Variants in PITRM1 observed in about 807,000 individuals in gnomAD.
The protein encoded by PITRM1 is presequence protease, mitochondrial.
A neutral mutation model predicts 129.9 loss-of-function variants in PITRM1; 100 were observed. The ratio of observed to expected loss-of-function variants is 0.77; its 90% CI spans 0.65 to 0.91. The LOEUF (loss-of-function observed/expected upper bound fraction) is 0.91. Among genes scored for constraint, PITRM1 ranks in the 40% least tolerant of loss-of-function variants. PITRM1 has a pLI of 0.00. For missense variants in PITRM1, 1,471 were observed against 1,318.3 expected, an observed-to-expected ratio of 1.12 and a Z score of -1.79; for synonymous variants, 591 against 508.8, an observed-to-expected ratio of 1.16 and a Z score of -2.17.
intron 21 of PITRM1, chr10:3,145,032 C>G (rs1840705537): frequency 6.5e-6 from 1 of 153,250 alleles, no homozygotes; most frequent in Admixed American, 6.5e-5. Context: ...GGCCACCTCC[C>G]AAAGGCTCCA....
chr10:3,140,338 T>C (rs1424503076), intron 24 of PITRM1, among the ~76,000 whole-genome samples: 2 of 152,238 alleles, frequency 1.3e-5, no homozygotes, highest in African/African-American at 2.4e-5. Flanking sequence ...TTAGGAAGTG[T>C]TTATGTCTGG....
In PITRM1 at chr10:3,166,248, C is replaced by T. The variant is rs375556940; in HGVS notation, c.399G>A (p.Thr133=). 2.5e-4 allele frequency: 406 copies of T among 1,612,002 alleles called. No homozygotes were observed. The highest frequency in any genetic ancestry group is 6.0e-4 in the Admixed American group (36 of 59,730). Residue 133 remains threonine, a synonymous_variant, in exon 4 of 27, where the codon ACG becomes ACA. Coordinates refer to ENST00000224949, the MANE Select transcript of PITRM1 (RefSeq NM_014889.4). ...FFKMLNRSLS[T]FMNAFTASDY... is the part of the protein sequence containing the mutation. ...TCTTACCTGTGAAGGCGTTCATGAA[C>T]GTGGAGAGGGACCGGTTCAACATTT...
intron 2 of PITRM1, among the ~76,000 whole-genome samples, chr10:3,167,293 G>A (rs914554654): frequency 2.7e-5 from 4 of 150,242 alleles, no homozygotes; most frequent in Admixed American, 1.3e-4. Context: ...GAGAGCGAGC[G>A]AGCGAGCGAG....
intron 7 of PITRM1, among the ~76,000 whole-genome samples, chr10:3,161,179 C>T (rs767264020): frequency 9.9e-5 from 15 of 152,182 alleles, no homozygotes; most frequent in Non-Finnish European, 2.2e-4. Context: ...AGGCATGAGC[C>T]ACCACACCTA....
rs1359924799 is a variant in PITRM1, at chr10:3,138,972, T to C, written c.2849A>G (p.Gln950Arg). ...AGAAAGTTTGGCTTCGTCGATGTCT[T>C]GCTGTGTGAATTTTCCAGACTTAGC... is the stretch of plus-strand genomic sequence containing the variant. The part of the protein sequence containing the change: ...DWAKSGKFTQ[Q>R]DIDEAKLSVF... The change falls in exon 25 of 27, where the codon CAA (glutamine) becomes CGA (arginine). Residue 950 changes from glutamine (Q) to arginine (R), a missense_variant. Coordinates refer to ENST00000224949, the MANE Select transcript of PITRM1 (RefSeq NM_014889.4). 2 of 1,613,820 alleles carry C rather than the reference T, an allele frequency of 1.2e-6. No homozygotes were observed. The highest frequency in any genetic ancestry group is 3.3e-5 in the Admixed American group (2 of 60,012).
chr10:3,164,023 T>TTAA (rs138096694), intron 6 of PITRM1, 138 bp from the exon 7 acceptor site: 13 of 333,488 alleles, frequency 3.9e-5, no homozygotes, highest in Non-Finnish European at 6.3e-5. Flanking sequence ...TCTAATGGTT[T>TTAA]AAAAAAAAAA....
chr10:3,146,325 A>G (rs1325443147), intron 20 of PITRM1: 1 of 152,808 alleles, frequency 6.5e-6, no homozygotes, highest in African/African-American at 2.4e-5. Context: ...ATTAATACTA[A>G]CTATATCCCA....
chr10:3,171,904 G>A (rs1302063851), intron 1 of PITRM1, among the ~76,000 whole-genome samples: 2 of 151,990 alleles, frequency 1.3e-5, no homozygotes, highest in East Asian at 3.9e-4. Context: ...ATGTCGTATG[G>A]GATTTTCTAC....
At position 3,138,067 on chromosome 10, in the gene PITRM1, C is replaced by A. The variant is rs769168470; in HGVS notation, c.3078G>T (p.Pro1026=). Residue 1026 remains proline (P), a synonymous_variant, in exon 27 of 27, where the codon CCG becomes CCT. Transcript: ENST00000224949. The stretch of plus-strand genomic sequence containing the variant: ...TCCAGGATGGGTCCTTGGCAATTTT[C>A]GGGTTCTCGGGTCCGAGGATGGCCA... ...HGLAILGPEN[P]KIAKDPSWII... 1.2e-6 allele frequency: 2 copies of A among 1,609,524 alleles called. No homozygotes were observed. The highest frequency in any genetic ancestry group is 4.5e-5 in the East Asian group (2 of 44,764).
Position 3,147,574 on chromosome 10 carries a change from G to A in PITRM1, c.2233C>T (p.Gln745Ter). The A allele has an allele frequency of 6.2e-7, 1 of 1,613,902 alleles. No individual in the cohort carries two copies. Among genetic ancestry groups the A allele is most frequent in the Non-Finnish European group, 8.5e-7 (1 of 1,179,814 alleles). The change falls in exon 19 of 27, where the codon CAG becomes TAG. Residue 745 changes from glutamine (Q) to a stop codon, truncating the protein, a stop_gained and splice_region_variant. Coordinates refer to ENST00000224949, the MANE Select transcript of PITRM1 (RefSeq NM_014889.4). LOFTEE classifies it high-confidence loss of function. The stretch of plus-strand genomic sequence containing the variant: ...GAGGTTCCTTCCAAGCTTCCCACCT[G>A]ATCCATCCCGCTGAAGGTCTCCTGC... ...DLQETFSGMD[Q>*]VRLMKRIAEM...
chr10:3,141,459 C>A (rs1353452211), intron 23 of PITRM1: 4 of 231,166 alleles, frequency 1.7e-5, no homozygotes, highest in Non-Finnish European at 3.8e-5. Flanking sequence ...TGTCTCACAT[C>A]AGAATATGGA....
At chr10:3,140,331 G>A (rs1036041112) in intron 24 of PITRM1, among the ~76,000 whole-genome samples, 28 of 152,152 alleles carry the variant, frequency 1.8e-4, no homozygotes, top group African/African-American at 6.0e-4. Context: ...TTAAAACTTA[G>A]GAAGTGTTTA....
intron 15 of PITRM1, among the ~76,000 whole-genome samples, chr10:3,150,077 C>A (rs567550868): frequency 6.6e-5 from 10 of 152,144 alleles, no homozygotes; most frequent in Middle Eastern, 3.4e-3. Context: ...ACCCCTGGGC[C>A]CACATCGCAC....
At position 3,159,810 on chromosome 10, in the gene PITRM1, G is replaced by A. The variant is rs139168967; in HGVS notation, c.1007+38C>T. 5.5e-4 allele frequency: 674 copies of A among 1,235,396 alleles called. 3 individuals are homozygous for A. In the African/African-American group the frequency reaches 7.7e-3, roughly 14 times the overall value. 76.5% of individuals were successfully genotyped at this position (1,235,396 alleles called of 1,614,324 possible). A position where few individuals can be genotyped will look rare whatever the true frequency, so the allele number is the denominator to read the frequency against. On this transcript the variant is annotated intron_variant, in intron 9 of 26. Coordinates refer to ENST00000224949, the MANE Select transcript of PITRM1 (RefSeq NM_014889.4). ...CTTCTAATAGGAACATTTTCCTCAT[G>A]TTTTTGTCTTGTATGAGCTTTGACA...
At chr10:3,166,517 A>G in intron 3 of PITRM1, 137 bp from the exon 4 acceptor site, 1 of 543,448 alleles carries the variant, frequency 1.8e-6, no homozygotes. Flanking sequence ...TTTTCCAACT[A>G]TAATGTAAAT....
Position 3,138,096 on chromosome 10 carries a change from CGT to C in PITRM1, c.3047_3048del (p.His1016ArgfsTer64). The C allele has an allele frequency of 6.2e-7, 1 of 1,610,374 alleles. No homozygotes were observed. Among genetic ancestry groups the C allele is most frequent in the South Asian group, 1.1e-5 (1 of 89,998 alleles). ...DRYLGTGKST[H>X]GLAILGPENP... ...TTCTCGGGTCCGAGGATGGCCAGGC[CGT>C]GTGTGCTCTTCCCAGTGCCGAGGTA... On this transcript the variant is annotated frameshift_variant, in exon 27 of 27. Coordinates refer to ENST00000224949, the MANE Select transcript of PITRM1 (RefSeq NM_014889.4). LOFTEE classifies it low-confidence loss of function (END_TRUNC).
chr10:3,141,805 G>A (rs1588629887), intron 23 of PITRM1: 1 of 313,348 alleles, frequency 3.2e-6, no homozygotes, highest in South Asian at 2.6e-5. Flanking sequence ...GTGTTCCCAG[G>A]GGCTGTGGTG....
Position 3,171,791 on chromosome 10 carries a change from G to A in PITRM1, c.56+926C>T, listed in dbSNP as rs1053275325. Reference sequence around the variant, plus strand: ...TGAGATGGCTCACACCTGTAACCCCGCAATGCGAGAGGCTGAGGAGGGGGA... The same window carrying A: ...TGAGATGGCTCACACCTGTAACCCCACAATGCGAGAGGCTGAGGAGGGGGA... On this transcript the variant is annotated intron_variant, in intron 1 of 26. Coordinates refer to ENST00000224949, the MANE Select transcript of PITRM1 (RefSeq NM_014889.4). 3.3e-5 allele frequency among the ~76,000 whole-genome samples: 5 copies of A among 152,274 alleles called. No homozygotes were observed. The East Asian group carries it at 9.7e-4, about 29-fold the overall frequency.
intron 20 of PITRM1, 70 bp downstream of exon 20, chr10:3,147,080 T>A: frequency 1.2e-6 from 1 of 828,386 alleles, no homozygotes; most frequent in Non-Finnish European, 1.9e-6. Context: ...TTTCTACAAG[T>A]AAGAAATACC....
Sources: gnomAD v4.1 joint callset for allele counts (sites outside exome capture counted in the v4.1 genomes callset) on GRCh38, gnomAD v4.1.1 for gene constraint, MANE v1.5 for transcripts, NCBI Gene and HGNC (gene_info 2026-07-23, HGNC 2026-07-21) for gene names.